USP12: variants seen among roughly 807,000 people sequenced by gnomAD.
USP12 encodes ubiquitin carboxyl-terminal hydrolase 12.
A neutral mutation model predicts 45.5 loss-of-function variants in USP12; 19 were observed. The ratio of observed to expected loss-of-function variants is 0.42; its 90% CI spans 0.29 to 0.61. USP12 has a LOEUF of 0.61. USP12 is among the 20% of genes least tolerant of loss of function. The pLI, the probability that USP12 is intolerant of heterozygous loss-of-function variation, is 0.22. For missense variants in USP12, 242 were observed against 447.7 expected (o/e 0.54, Z 4.15); for synonymous variants, 149 against 148.8 (o/e 1.00, Z -0.01).
chr13:27,112,991 T>C (rs2137794268), intron 2 of USP12, among the ~76,000 whole-genome samples: 1 of 152,298 alleles, frequency 6.6e-6, no homozygotes, highest in South Asian at 2.1e-4. Flanking sequence ...CCCAGCACTT[T>C]GGGAGGCTGA....
intron 6 of USP12, among the ~76,000 whole-genome samples, chr13:27,086,239 T>TTA (rs1452148047): frequency 8.0e-6 from 1 of 125,690 alleles, no homozygotes; most frequent in African/African-American, 2.8e-5. Flanking sequence ...TACATATATT[T>TTA]TATATATATG....
At chr13:27,110,942 T>G (rs558911292) in intron 2 of USP12, among the ~76,000 whole-genome samples, 66 of 152,142 alleles carry the variant, frequency 4.3e-4, no homozygotes, top group African/African-American at 1.6e-3. Context: ...ACCAGAAATA[T>G]TATGATAATG....
intron 2 of USP12, among the ~76,000 whole-genome samples, chr13:27,111,654 T>C (rs1441745471): frequency 6.6e-6 from 1 of 152,156 alleles, no homozygotes; most frequent in Non-Finnish European, 1.5e-5. Flanking sequence ...CTAAGACCAT[T>C]TTGAGCGCAC....
intron 6 of USP12, among the ~76,000 whole-genome samples, chr13:27,081,672 G>C (rs1873765650): frequency 6.6e-6 from 1 of 152,150 alleles, no homozygotes; most frequent in African/African-American, 2.4e-5. Flanking sequence ...TCCATCAGAG[G>C]AATCTCAATC....
At chr13:27,159,205 T>A (rs1208158706) in intron 1 of USP12, among the ~76,000 whole-genome samples, 1 of 152,222 alleles carries the variant, frequency 6.6e-6, no homozygotes, top group Non-Finnish European at 1.5e-5. Flanking sequence ...CATTTTTCTT[T>A]AAGAGTATAT....
rs555324885 is a variant in USP12, at chr13:27,068,933, G to A, written c.*350C>T. 251 of 298,478 alleles carry A rather than the reference G, an allele frequency of 8.4e-4. No individual in the cohort carries two copies. Among genetic ancestry groups the A allele is most frequent in the Non-Finnish European group, 1.4e-3 (222 of 158,410 alleles). The allele number at this position is 298,478 out of a possible 1,614,324, so 18.5% of individuals were successfully genotyped here. ...TCCTTATCAATACGGCACAGATTCC[G>A]ATTCTTTCTACTGCACCCCCAAGGA... On this transcript the variant is annotated 3_prime_UTR_variant, in exon 9 of 9. Coordinates refer to ENST00000282344, the MANE Select transcript of USP12 (RefSeq NM_182488.4).
intron 6 of USP12, 78 bp downstream of exon 6, chr13:27,089,805 A>G: frequency 7.1e-7 from 1 of 1,415,044 alleles, no homozygotes; most frequent in Non-Finnish European, 9.7e-7. Context: ...ATTTTCCTAG[A>G]TTGTTTTTCT....
At chr13:27,093,439 AT>A (rs1874415401) in intron 4 of USP12, among the ~76,000 whole-genome samples, 1 of 152,232 alleles carries the variant, frequency 6.6e-6, no homozygotes, top group African/African-American at 2.4e-5. Flanking sequence ...GATGATCAAC[AT>A]CATATGTCAT....
chr13:27,124,157 A>G (rs889572216), intron 1 of USP12, among the ~76,000 whole-genome samples: 8 of 152,074 alleles, frequency 5.3e-5, no homozygotes, highest in African/African-American at 1.7e-4. Flanking sequence ...CACTCCTTTC[A>G]CTCTGCCATT....
At chr13:27,083,243 A>C (rs1455935315) in intron 6 of USP12, among the ~76,000 whole-genome samples, 1 of 152,206 alleles carries the variant, frequency 6.6e-6, no homozygotes, top group East Asian at 1.9e-4. Flanking sequence ...ATAATGAAAA[A>C]GTTTGAAATA....
At chr13:27,134,568 C>G (rs1876704271) in intron 1 of USP12, among the ~76,000 whole-genome samples, 1 of 152,062 alleles carries the variant, frequency 6.6e-6, no homozygotes, top group South Asian at 2.1e-4. Context: ...AATATACTCT[C>G]TCAATTACTT....
intron 2 of USP12, among the ~76,000 whole-genome samples, chr13:27,110,285 G>A (rs1875374356): frequency 6.6e-6 from 1 of 151,822 alleles, no homozygotes; most frequent in African/African-American, 2.4e-5. Flanking sequence ...GTATAATCAT[G>A]TCATTATGTG....
intron 1 of USP12, among the ~76,000 whole-genome samples, chr13:27,169,856 C>T (rs1431345229): frequency 6.6e-6 from 1 of 151,664 alleles, no homozygotes. Context: ...TCGCCTCTAG[C>T]ACTTAGTGGC....
At chr13:27,160,431 A>C (rs908692544) in intron 1 of USP12, among the ~76,000 whole-genome samples, 1 of 144,890 alleles carries the variant, frequency 6.9e-6, no homozygotes, top group African/African-American at 2.8e-5. Flanking sequence ...CCTCAAATTG[A>C]AAAAAAAAAT....
chr13:27,104,070 G>A (rs1436093146), intron 3 of USP12, among the ~76,000 whole-genome samples: 1 of 152,026 alleles, frequency 6.6e-6, no homozygotes, highest in Non-Finnish European at 1.5e-5. Flanking sequence ...GTCTTGCTCT[G>A]TTACCCAAGC....
chr13:27,077,085 AG>A (rs1236944863), intron 6 of USP12: 4 of 152,264 alleles, frequency 2.6e-5, no homozygotes, highest in Admixed American at 2.6e-4. Context: ...GAAATAAATT[AG>A]AATTCAAACA....
At chr13:27,151,953 G>A (rs1877586725) in intron 1 of USP12, among the ~76,000 whole-genome samples, 1 of 152,050 alleles carries the variant, frequency 6.6e-6, no homozygotes, top group East Asian at 1.9e-4. Flanking sequence ...AATGAAATGA[G>A]ATACCACCTC....
chr13:27,109,644 G>T (rs941709176), intron 2 of USP12, among the ~76,000 whole-genome samples: 1 of 152,128 alleles, frequency 6.6e-6, no homozygotes, highest in Middle Eastern at 3.4e-3. Flanking sequence ...TTGGCTGGGC[G>T]CAGTGGCTCA....
intron 2 of USP12, among the ~76,000 whole-genome samples, chr13:27,108,767 G>A (rs1248084717): frequency 1.3e-5 from 2 of 152,252 alleles, no homozygotes; most frequent in Middle Eastern, 6.8e-3. Context: ...GACTAGCCTG[G>A]CCAACATGGT....
Sources: gnomAD v4.1 joint callset for allele counts (sites outside exome capture counted in the v4.1 genomes callset) on GRCh38, gnomAD v4.1.1 for gene constraint, MANE v1.5 for transcripts, NCBI Gene and HGNC (gene_info 2026-07-23, HGNC 2026-07-21) for gene names.